ARFGAP3: variants seen among roughly 807,000 people sequenced by gnomAD.
ARFGAP3 encodes ARF GTPase activating protein 3.
In ARFGAP3, 72 loss-of-function variants were observed where a neutral mutation model predicts 75.0. The observed-to-expected ratio is 0.96, with a 90% CI of 0.79 to 1.17. The LOEUF is 1.17. Ranked by LOEUF, ARFGAP3 falls within the 50% of genes most tolerant of loss-of-function variation. The pLI, the probability that ARFGAP3 is intolerant of heterozygous loss-of-function variation, is 0.00. For missense variants in ARFGAP3, 620 were observed against 626.6 expected, an observed-to-expected ratio of 0.99 and a Z score of 0.11; for synonymous variants, 221 against 217.9, an observed-to-expected ratio of 1.01 and a Z score of -0.13.
chr22:42,830,123 T>C lies in ARFGAP3; in HGVS notation c.565+1426A>G, dbSNP rs1002665170. Among the ~76,000 whole-genome samples, 3 of 152,128 alleles carry C rather than the reference T, an allele frequency of 2.0e-5. No individual in the cohort carries two copies. The East Asian group carries it at 5.8e-4, about 29-fold the overall frequency. ...AAGGAAGCGACTCCTTTTCTTTTTC[T>C]TCTTATTTTTTTTAGAGTCCGGGTC... is the stretch of plus-strand genomic sequence containing the variant. On this transcript the variant is annotated intron_variant, in intron 6 of 15. Transcript: ENST00000263245.
Position 42,857,207 on chromosome 22 carries a change from C to G in ARFGAP3, c.-25G>C, listed in dbSNP as rs1927546307. The G allele has an allele frequency of 6.6e-7, 1 of 1,504,968 alleles. No individual in the cohort carries two copies. Among genetic ancestry groups the G allele is most frequent in the Non-Finnish European group, 8.9e-7 (1 of 1,123,870 alleles). The allele number at this position is 1,504,968 out of a possible 1,614,324, so 93.2% of individuals were successfully genotyped here. The stretch of plus-strand genomic sequence containing the variant: ...TCGTCAGCTGTGAGCCGCGGCGCAG[C>G]TGGCCCAGCCAACCGGTAAGAGTCG... On this transcript the variant is annotated 5_prime_UTR_variant, in exon 1 of 16. Transcript: ENST00000263245.
At chr22:42,807,801 C>CT (rs111653734) in intron 13 of ARFGAP3, among the ~76,000 whole-genome samples, 11,065 of 143,410 alleles carry the variant, frequency 0.077, 469 homozygotes, top group Non-Finnish European at 0.1. Context: ...ACATTTCTTT[C>CT]TTTTTTTTTT....
At chr22:42,802,253 T>G (rs2413720) in intron 14 of ARFGAP3, among the ~76,000 whole-genome samples, 96,602 of 151,568 alleles carry the variant, frequency 0.64, 32,111 homozygotes, top group African/African-American at 0.82. Flanking sequence ...GAGGTGGAAG[T>G]TTCCAGGACA....
At chr22:42,801,893 G>T (rs1353740966) in intron 14 of ARFGAP3, among the ~76,000 whole-genome samples, 1 of 152,164 alleles carries the variant, frequency 6.6e-6, no homozygotes, top group African/African-American at 2.4e-5. Flanking sequence ...ACGGGTTGCG[G>T]GGCTGTCTGG....
Position 42,857,248 on chromosome 22 carries a change from C to T in ARFGAP3, c.-66G>A, listed in dbSNP as rs742858. The T allele has an allele frequency of 0.03, 44,361 of 1,484,306 alleles. 854 individuals carry two copies. The highest frequency in any genetic ancestry group is 0.081 in the African/African-American group (5,515 of 68,402). The allele number at this position is 1,484,306 out of a possible 1,614,324, so 91.9% of individuals were successfully genotyped here. The stretch of plus-strand genomic sequence containing the variant: ...GTAAGAGTCGACGAAAAGCGGCTAC[C>T]GCCTCAGCAGGAGCGACGAGGCCGC... On this transcript the variant is annotated 5_prime_UTR_variant, in exon 1 of 16. Transcript: ENST00000263245.
At chr22:42,842,953 C>A (rs1039270171) in intron 2 of ARFGAP3, among the ~76,000 whole-genome samples, 1 of 152,034 alleles carries the variant, frequency 6.6e-6, no homozygotes, top group African/African-American at 2.4e-5. Context: ...CTCTCTTGCT[C>A]GCTCCTGCCA....
At chr22:42,817,917 T>C (rs1252315255) in intron 9 of ARFGAP3, 60 bp from the exon 10 acceptor site, 14 of 1,377,096 alleles carry the variant, frequency 1.0e-5, no homozygotes, top group Middle Eastern at 2.0e-4. Context: ...TATATTAAAA[T>C]AGCAAGCAAA....
chr22:42,835,729 G>A (rs1162392989), intron 3 of ARFGAP3: 1 of 155,154 alleles, frequency 6.4e-6, no homozygotes, highest in East Asian at 1.9e-4. Context: ...GCTGAGGCAG[G>A]AGAATGGCGA....
At chr22:42,838,616 C>A (rs1197435422) in intron 3 of ARFGAP3, among the ~76,000 whole-genome samples, 2 of 151,822 alleles carry the variant, frequency 1.3e-5, no homozygotes, top group African/African-American at 4.8e-5. Flanking sequence ...ATTTGAAATG[C>A]ATACAAATTT....
intron 1 of ARFGAP3, among the ~76,000 whole-genome samples, chr22:42,854,287 G>A (rs1927404197): frequency 6.6e-6 from 1 of 152,142 alleles, no homozygotes; most frequent in Admixed American, 6.6e-5. Context: ...CTATATAAAA[G>A]TAAGGAATGG....
intron 1 of ARFGAP3, among the ~76,000 whole-genome samples, chr22:42,850,793 G>A (rs1462204645): frequency 6.6e-6 from 1 of 152,118 alleles, no homozygotes; most frequent in Non-Finnish European, 1.5e-5. Context: ...AGTGACAACT[G>A]ACACAAAAAG....
chr22:42,816,985 A>C (rs1410874263), intron 11 of ARFGAP3, among the ~76,000 whole-genome samples, 157 bp downstream of exon 11: 1 of 152,160 alleles, frequency 6.6e-6, no homozygotes, highest in Non-Finnish European at 1.5e-5. Flanking sequence ...CGTTTCTCTA[A>C]TTTTTACTCC....
chr22:42,808,432 T>C lies in ARFGAP3; in HGVS notation c.1320+335A>G, dbSNP rs1174892084. Among the ~76,000 whole-genome samples the C allele has an allele frequency of 3.9e-5, 6 of 151,930 alleles. No individual in the cohort carries two copies. In the East Asian group the frequency reaches 1.2e-3, roughly 29 times the overall value. On this transcript the variant is annotated intron_variant, in intron 13 of 15. Coordinates refer to ENST00000263245, the MANE Select transcript of ARFGAP3 (RefSeq NM_014570.5). ...AAAAGAAACATATCTATGTGCTTCA[T>C]TTCACTATGTTTAAAAGTTATTAAG...
chr22:42,842,510 C>T (rs1045174724), intron 2 of ARFGAP3, among the ~76,000 whole-genome samples: 1 of 151,250 alleles, frequency 6.6e-6, no homozygotes, highest in African/African-American at 2.4e-5. Context: ...TGCAGTGAGG[C>T]GATCTCAGCT....
At position 42,796,674 on chromosome 22, in the gene ARFGAP3, C is replaced by T. The variant is rs1602082709; in HGVS notation, c.*914G>A. 1 of 152,216 alleles carries T rather than the reference C, an allele frequency of 6.6e-6. No homozygotes were observed. Among genetic ancestry groups the T allele is most frequent in the South Asian group, 2.1e-4 (1 of 4,834 alleles). 9.4% of individuals were successfully genotyped at this position (152,216 alleles called of 1,614,324 possible). On this transcript the variant is annotated 3_prime_UTR_variant, in exon 16 of 16. Coordinates refer to ENST00000263245, the MANE Select transcript of ARFGAP3 (RefSeq NM_014570.5). ...GCTGAACAATATATTCTAATGCTGT[C>T]TAAAACACAGCTAAATTATTTTTCT...
intron 6 of ARFGAP3, among the ~76,000 whole-genome samples, chr22:42,828,052 AG>A (rs1926119188): frequency 6.6e-6 from 1 of 152,196 alleles, no homozygotes; most frequent in Non-Finnish European, 1.5e-5. Flanking sequence ...TGGGAGGTCG[AG>A]GCGGGCAGAT....
chr22:42,842,897 A>T (rs889164322), intron 2 of ARFGAP3, among the ~76,000 whole-genome samples: 1 of 152,198 alleles, frequency 6.6e-6, no homozygotes, highest in African/African-American at 2.4e-5. Flanking sequence ...TGCCCTGGTC[A>T]TCATCAACAT....
At chr22:42,851,120 A>G (rs1208773848) in intron 1 of ARFGAP3, among the ~76,000 whole-genome samples, 1 of 152,230 alleles carries the variant, frequency 6.6e-6, no homozygotes, top group Admixed American at 6.5e-5. Context: ...TGCACTTACC[A>G]TCAAGTGTAC....
chr22:42,840,441 G>C (rs1229714428), intron 3 of ARFGAP3, among the ~76,000 whole-genome samples: 1 of 151,628 alleles, frequency 6.6e-6, no homozygotes, highest in Non-Finnish European at 1.5e-5. Context: ...TTTTGGGATG[G>C]AGTCTCGCTC....
Sources: allele counts gnomAD v4.1 joint callset (sites outside exome capture counted in the v4.1 genomes callset), GRCh38; gene constraint gnomAD v4.1.1; transcripts MANE v1.5; gene names NCBI Gene and HGNC (gene_info 2026-07-23, HGNC 2026-07-21).